VGLL3: variants seen among roughly 807,000 people sequenced by gnomAD.
VGLL3 encodes vestigial like family member 3.
VGLL3 carries 18 observed loss-of-function variants against 29.2 expected under a neutral mutation model. That is an observed-to-expected ratio of 0.62 (90% CI 0.43 to 0.91). The LOEUF is 0.91. VGLL3 is among the 40% of genes least tolerant of loss of function. VGLL3 has a pLI of 0.00. For missense variants in VGLL3, 440 were observed against 413.2 expected (o/e 1.06, Z -0.56); for synonymous variants, 180 against 151.8 (o/e 1.19, Z -1.36).
At chr3:86,968,362 C>T (rs1201250806) in intron 3 of VGLL3, among the ~76,000 whole-genome samples, 2 of 152,054 alleles carry the variant, frequency 1.3e-5, no homozygotes, top group Non-Finnish European at 2.9e-5. Flanking sequence ...AGACTACTAA[C>T]CTAAGATATG....
chr3:86,952,867 C>A (rs956729564), intron 3 of VGLL3, among the ~76,000 whole-genome samples: 3 of 152,074 alleles, frequency 2.0e-5, no homozygotes, highest in Non-Finnish European at 4.4e-5. Flanking sequence ...CAAAAAGGTG[C>A]GAGAGACAGT....
chr3:86,976,908 T>C (rs1264162941), intron 2 of VGLL3, among the ~76,000 whole-genome samples: 1 of 152,226 alleles, frequency 6.6e-6, no homozygotes, highest in Admixed American at 6.5e-5. Context: ...AAATTATTTA[T>C]TAAAGCCATC....
At chr3:86,960,932 G>GATAT (rs57744873) in intron 3 of VGLL3, among the ~76,000 whole-genome samples, 1,736 of 137,770 alleles carry the variant, frequency 0.013, 15 homozygotes, top group Non-Finnish European at 0.016. Flanking sequence ...AAGTAATTGT[G>GATAT]ATATATATAT....
rs374523956 is a variant in VGLL3, at chr3:86,968,720, C to T, written c.807G>A (p.Ala269=). 1.3e-4 allele frequency: 204 copies of T among 1,613,998 alleles called. No homozygotes were observed. The highest frequency in any genetic ancestry group is 1.6e-4 in the Middle Eastern group (1 of 6,082). Reference sequence around the variant, plus strand: ...CACACTGGGGAGCAGGAATCCTGGCCGCATGCACTGAAGGCATCAGCAGAG... The same window carrying T: ...CACACTGGGGAGCAGGAATCCTGGCTGCATGCACTGAAGGCATCAGCAGAG... The part of the protein sequence containing the change: ...YGPLLMPSVH[A]ARIPAPQCDI... The change falls in exon 3 of 4, where the codon GCG becomes GCA. Residue 269 remains alanine (A), a synonymous_variant. Coordinates refer to ENST00000398399, the MANE Select transcript of VGLL3 (RefSeq NM_016206.4).
intron 3 of VGLL3, among the ~76,000 whole-genome samples, chr3:86,954,134 T>C (rs901325601): frequency 1.3e-5 from 2 of 152,234 alleles, no homozygotes; most frequent in African/African-American, 4.8e-5. Flanking sequence ...GTAGTAGTAT[T>C]GTCAGAAACA....
rs965231334 is a variant in VGLL3 at position 86,990,944 on chromosome 3, C to A, written c.-201G>T. 46 of 1,078,512 alleles carry A rather than the reference C, an allele frequency of 4.3e-5. No individual in the cohort carries two copies. Among genetic ancestry groups the A allele is most frequent in the South Asian group, 2.3e-4 (5 of 22,150 alleles). The allele number at this position is 1,078,512 out of a possible 1,614,324, so 66.8% of individuals were successfully genotyped here. A position where few individuals can be genotyped will look rare whatever the true frequency, so the allele number is the denominator to read the frequency against. ...GACTGGCAATCAGCGGGGGCCCATG[C>A]GCGGGCACCTTCATCTTCAGCCCCT... On this transcript the variant is annotated 5_prime_UTR_variant, in exon 1 of 4. Coordinates refer to ENST00000398399, the MANE Select transcript of VGLL3 (RefSeq NM_016206.4).
rs949992848 is a variant in VGLL3 at position 86,943,722 on chromosome 3, G to A, written c.*3302C>T. ...AAGAAGACACATTGATTTCTCAAAA[G>A]TTTAGAGGCTCTTTCAAATTAATAA... On this transcript the variant is annotated 3_prime_UTR_variant, in exon 4 of 4. Coordinates refer to ENST00000398399, the MANE Select transcript of VGLL3 (RefSeq NM_016206.4). 6.6e-6 allele frequency: 1 copy of A among 152,122 alleles called. No homozygotes were observed. Among genetic ancestry groups the A allele is most frequent in the African/African-American group, 2.4e-5 (1 of 41,414 alleles). 9.4% of individuals were successfully genotyped at this position (152,122 alleles called of 1,614,324 possible). A position where few individuals can be genotyped will look rare whatever the true frequency, so the allele number is the denominator to read the frequency against.
At chr3:86,988,714 A>AAATTTTGAACAAGCCATTTTAGT (rs59729884) in intron 1 of VGLL3, among the ~76,000 whole-genome samples, 3 of 115,604 alleles carry the variant, frequency 2.6e-5, no homozygotes, top group Admixed American at 9.6e-5. Flanking sequence ...GAAAAAGAAG[A>AAATTTTGAACAAGCCATTTTAGT]AAAAGCAACA....
chr3:86,969,675 TTTTA>T (rs201595037), intron 2 of VGLL3, among the ~76,000 whole-genome samples: 16,873 of 145,400 alleles, frequency 0.12, 1,242 homozygotes, highest in African/African-American at 0.21. Flanking sequence ...TCCAACCTCA[TTTTA>T]TTTATTTATT....
Position 86,949,686 on chromosome 3 carries a change from C to T in VGLL3, c.938-2619G>A, listed in dbSNP as rs536436951. On this transcript the variant is annotated intron_variant, in intron 3 of 3. Coordinates refer to ENST00000398399, the MANE Select transcript of VGLL3 (RefSeq NM_016206.4). ...CTAAAAACACAAAAAATTAGCCGGG[C>T]GTGATGGCGGGCGCCCTGTAGTCCC... 6.3e-3 allele frequency among the ~76,000 whole-genome samples: 949 copies of T among 151,722 alleles called. 6 individuals are homozygous for T. Among genetic ancestry groups the T allele is most frequent in the African/African-American group, 0.022 (911 of 41,392 alleles).
At chr3:86,975,139 T>C (rs567311603) in intron 2 of VGLL3, among the ~76,000 whole-genome samples, 4 of 152,318 alleles carry the variant, frequency 2.6e-5, no homozygotes, top group Non-Finnish European at 2.9e-5. Context: ...CAAGATCACA[T>C]TGCAACCAGA....
chr3:86,949,535 A>C, intron 3 of VGLL3, among the ~76,000 whole-genome samples: 1 of 152,138 alleles, frequency 6.6e-6, no homozygotes, highest in East Asian at 1.9e-4. Flanking sequence ...TGCAAAAGAA[A>C]AGCAGGGCTG....
chr3:86,973,976 G>T (rs1270753613), intron 2 of VGLL3, among the ~76,000 whole-genome samples: 3 of 152,050 alleles, frequency 2.0e-5, no homozygotes, highest in Non-Finnish European at 4.4e-5. Context: ...CAGTGCATAG[G>T]CATATTTGAA....
chr3:86,968,181 C>A (rs1030890222), intron 3 of VGLL3, among the ~76,000 whole-genome samples: 1 of 152,108 alleles, frequency 6.6e-6, no homozygotes, highest in Non-Finnish European at 1.5e-5. Flanking sequence ...TTTTATAAGT[C>A]ATACATAAGG....
Position 86,942,049 on chromosome 3 carries a change from G to A in VGLL3, c.*4975C>T, listed in dbSNP as rs375263203. On this transcript the variant is annotated 3_prime_UTR_variant, in exon 4 of 4. Coordinates refer to ENST00000398399, the MANE Select transcript of VGLL3 (RefSeq NM_016206.4). The stretch of plus-strand genomic sequence containing the variant: ...TTTTTCTATAATGATTTTAATAACA[G>A]TTTCAATGCTTTAATAATAGATTTA... 1 of 152,004 alleles carries A rather than the reference G, an allele frequency of 6.6e-6. No individual in the cohort carries two copies. The highest frequency in any genetic ancestry group is 2.4e-5 in the African/African-American group (1 of 41,376). The allele number at this position is 152,004 out of a possible 1,614,324, so 9.4% of individuals were successfully genotyped here.
intron 1 of VGLL3, among the ~76,000 whole-genome samples, chr3:86,982,290 G>A (rs985996792): frequency 6.6e-6 from 1 of 151,936 alleles, no homozygotes; most frequent in African/African-American, 2.4e-5. Flanking sequence ...GATTACAGGT[G>A]CCTGCCACGA....
At chr3:86,961,432 A>AT (rs1559724117) in intron 3 of VGLL3, among the ~76,000 whole-genome samples, 1 of 152,186 alleles carries the variant, frequency 6.6e-6, no homozygotes, top group East Asian at 1.9e-4. Context: ...GAATGACAAC[A>AT]TTTCACTAAA....
At position 86,981,724 on chromosome 3, in the gene VGLL3, C is replaced by T. The variant is rs569675607; in HGVS notation, c.127-2922G>A. Among the ~76,000 whole-genome samples, 18 of 152,192 alleles carry T rather than the reference C, an allele frequency of 1.2e-4. No individual in the cohort carries two copies. The South Asian group carries it at 3.7e-3, about 32-fold the overall frequency. On this transcript the variant is annotated intron_variant, in intron 1 of 3. Coordinates refer to ENST00000398399, the MANE Select transcript of VGLL3 (RefSeq NM_016206.4). ...CAAATAAAATGAAAAAAGCTTCTAT[C>T]TACCCATAGGCAGGACACAAGAATG... is the stretch of plus-strand genomic sequence containing the variant.
intron 3 of VGLL3, among the ~76,000 whole-genome samples, chr3:86,955,093 A>C (rs1265561097): frequency 6.6e-6 from 1 of 152,134 alleles, no homozygotes; most frequent in Non-Finnish European, 1.5e-5. Context: ...AGAAAGAGCT[A>C]ATCTGGATCC....
Sources: allele counts gnomAD v4.1 joint callset (sites outside exome capture counted in the v4.1 genomes callset), GRCh38; gene constraint gnomAD v4.1.1; transcripts MANE v1.5; gene names NCBI Gene and HGNC (gene_info 2026-07-23, HGNC 2026-07-21).